INPP4B: variants seen among roughly 807,000 people sequenced by gnomAD.
INPP4B encodes inositol polyphosphate 4-phosphatase type II.
A neutral mutation model predicts 122.5 loss-of-function variants in INPP4B; 55 were observed. The ratio of observed to expected loss-of-function variants is 0.45; its 90% CI spans 0.36 to 0.56. The LOEUF (loss-of-function observed/expected upper bound fraction) is 0.56. Among genes scored for constraint, INPP4B ranks in the 20% least tolerant of loss-of-function variants. The pLI is 0.00. For missense variants in INPP4B, 1,000 were observed against 1,097.7 expected (o/e 0.91, Z 1.26); for synonymous variants, 403 against 388.7 (o/e 1.04, Z -0.43).
At chr4:142,268,368 G>GGTGTAGA (rs1323604441) in intron 10 of INPP4B, among the ~76,000 whole-genome samples, 1 of 111,842 alleles carries the variant, frequency 8.9e-6, no homozygotes, top group Non-Finnish European at 2.0e-5. Context: ...TACTGGTGAG[G>GGTGTAGA]GTGTAGAGGG....
chr4:142,059,668 CAT>C (rs1759565578), intron 25 of INPP4B, among the ~76,000 whole-genome samples: 1 of 152,198 alleles, frequency 6.6e-6, no homozygotes, highest in East Asian at 1.9e-4. Context: ...AATAAAATAA[CAT>C]ATTTTTGGAA....
At position 142,280,341 on chromosome 4, in the gene INPP4B, C is replaced by T. The variant is rs1750610995; in HGVS notation, c.504-9567G>A. Among the ~76,000 whole-genome samples, 5 of 152,108 alleles carry T rather than the reference C, an allele frequency of 3.3e-5. No homozygotes were observed. In the South Asian group the frequency reaches 1.0e-3, roughly 32 times the overall value. On this transcript the variant is annotated intron_variant, in intron 9 of 25. Transcript: ENST00000262992. ...TAAACAAACTTTGTTGTATCCACAA[C>T]ATGCAATATTAATTTGGCAATAAAA... is the stretch of plus-strand genomic sequence containing the variant.
intron 9 of INPP4B, among the ~76,000 whole-genome samples, chr4:142,303,259 C>T (rs527834187): frequency 2.6e-5 from 4 of 152,146 alleles, no homozygotes; most frequent in Non-Finnish European, 4.4e-5. Flanking sequence ...ACATAAGAAG[C>T]CCCCAAAGAA....
chr4:142,760,418 A>G (rs1483843374), intron 1 of INPP4B, among the ~76,000 whole-genome samples: 1 of 152,124 alleles, frequency 6.6e-6, no homozygotes, highest in Non-Finnish European at 1.5e-5. Context: ...GTAAAAGGTT[A>G]TTGTTTTATT....
At position 142,204,719 on chromosome 4, in the gene INPP4B, T is replaced by C. The variant is rs142306671; in HGVS notation, c.1072+3706A>G. Among the ~76,000 whole-genome samples the C allele has an allele frequency of 3.4e-3, 521 of 152,084 alleles. 4 individuals carry two copies. The highest frequency in any genetic ancestry group is 9.9e-3 in the African/African-American group (410 of 41,498). On this transcript the variant is annotated intron_variant, in intron 14 of 25. Coordinates refer to ENST00000262992, the MANE Select transcript of INPP4B (RefSeq NM_001101669.3). Reference sequence around the variant, plus strand: ...ATACATAGAGGGCAGGAGAACACCATGAGCAAGATAGAGGACAGGTGTGTT... The same window carrying C: ...ATACATAGAGGGCAGGAGAACACCACGAGCAAGATAGAGGACAGGTGTGTT...
intron 21 of INPP4B, among the ~76,000 whole-genome samples, chr4:142,114,510 G>A (rs1334828523): frequency 6.6e-6 from 1 of 152,002 alleles, no homozygotes; most frequent in Non-Finnish European, 1.5e-5. Context: ...TTCTCCTAGT[G>A]AGGAATTATG....
At chr4:142,446,185 T>C (rs1391279495) in intron 3 of INPP4B, among the ~76,000 whole-genome samples, 1 of 151,866 alleles carries the variant, frequency 6.6e-6, no homozygotes, top group South Asian at 2.1e-4. Context: ...TTTTCCAGAA[T>C]ATATTAATCA....
chr4:142,474,404 T>C (rs1819465633), intron 2 of INPP4B: 1 of 152,084 alleles, frequency 6.6e-6, no homozygotes, highest in Non-Finnish European at 1.5e-5. Context: ...ATCCTTCTGC[T>C]GTCTGAGCTC....
intron 3 of INPP4B, among the ~76,000 whole-genome samples, chr4:142,452,681 G>A (rs1814566081): frequency 6.6e-6 from 1 of 152,112 alleles, no homozygotes; most frequent in Non-Finnish European, 1.5e-5. Flanking sequence ...TTTGATGTGA[G>A]CTTTTTACTC....
intron 1 of INPP4B, among the ~76,000 whole-genome samples, chr4:142,827,841 A>T (rs1379369908): frequency 6.6e-6 from 1 of 152,194 alleles, no homozygotes; most frequent in Non-Finnish European, 1.5e-5. Context: ...ATTATGCTAA[A>T]CACTAAGGAG....
At chr4:142,146,931 T>G (rs1811062452) in intron 17 of INPP4B, among the ~76,000 whole-genome samples, 1 of 152,202 alleles carries the variant, frequency 6.6e-6, no homozygotes, top group African/African-American at 2.4e-5. Context: ...AGGTAATGCA[T>G]GCAACTTAAT....
At chr4:142,143,564 T>A (rs1808996376) in intron 18 of INPP4B, among the ~76,000 whole-genome samples, 1 of 152,078 alleles carries the variant, frequency 6.6e-6, no homozygotes, top group Admixed American at 6.6e-5. Flanking sequence ...GTACAATTAT[T>A]ATGTGTCAAA....
chr4:142,211,393 T>C (rs1844823019), intron 12 of INPP4B, among the ~76,000 whole-genome samples: 1 of 152,220 alleles, frequency 6.6e-6, no homozygotes, highest in African/African-American at 2.4e-5. Context: ...TTATTCATAA[T>C]GACATTTTCA....
At chr4:142,520,696 C>T (rs943524948) in intron 2 of INPP4B, among the ~76,000 whole-genome samples, 2 of 151,908 alleles carry the variant, frequency 1.3e-5, no homozygotes, top group African/African-American at 4.8e-5. Context: ...TTATTTTACT[C>T]TGAGAAATTA....
chr4:142,280,795 T>C (rs3113513), intron 9 of INPP4B, among the ~76,000 whole-genome samples: 116,273 of 151,878 alleles, frequency 0.77, 45,657 homozygotes, highest in East Asian at 0.93. Flanking sequence ...ATTATTAAAA[T>C]GTTATCCTCT....
At chr4:142,844,839 G>A (rs1783989818) in intron 1 of INPP4B, among the ~76,000 whole-genome samples, 1 of 152,190 alleles carries the variant, frequency 6.6e-6, no homozygotes, top group Non-Finnish European at 1.5e-5. Flanking sequence ...TTGAAATGTA[G>A]TTGTACACCT....
chr4:142,606,832 A>T (rs1741372794), intron 2 of INPP4B, among the ~76,000 whole-genome samples: 1 of 152,052 alleles, frequency 6.6e-6, no homozygotes, highest in African/African-American at 2.4e-5. Flanking sequence ...TGTGGTGCAT[A>T]TATGTCTTTT....
intron 1 of INPP4B, among the ~76,000 whole-genome samples, chr4:142,823,777 C>G (rs1432235390): frequency 6.6e-6 from 1 of 152,120 alleles, no homozygotes; most frequent in Admixed American, 6.6e-5. Flanking sequence ...AATGAGAAAG[C>G]AAAGGTTGCA....
At chr4:142,227,327 T>A (rs1437138994) in intron 12 of INPP4B, among the ~76,000 whole-genome samples, 1 of 152,130 alleles carries the variant, frequency 6.6e-6, no homozygotes, top group Non-Finnish European at 1.5e-5. Context: ...AGCAGGTGAA[T>A]GCTGCTGGGA....
Sources: allele counts gnomAD v4.1 joint callset (sites outside exome capture counted in the v4.1 genomes callset), GRCh38; gene constraint gnomAD v4.1.1; transcripts MANE v1.5; gene names NCBI Gene and HGNC (gene_info 2026-07-23, HGNC 2026-07-21).